Variants in AKAP13 observed in about 807,000 individuals in gnomAD.
AKAP13 encodes the protein A-kinase anchor protein 13.
AKAP13 carries 80 observed loss-of-function variants against 264.5 expected under a neutral mutation model. That is an observed-to-expected ratio of 0.30 (90% CI 0.25 to 0.36). The LOEUF is 0.36. Among genes scored for constraint, AKAP13 ranks in the 10% least tolerant of loss-of-function variants. The probability of loss-of-function intolerance (pLI) is 1.00; values close to 1 mark genes in which losing one functional copy is unlikely to be tolerated. For missense variants in AKAP13, 3,712 were observed against 3,435.2 expected, an observed-to-expected ratio of 1.08 and a Z score of -2.01; for synonymous variants, 1,380 against 1,250.2, an observed-to-expected ratio of 1.10 and a Z score of -2.19.
chr15:85,659,590 T>C (rs542686278), intron 12 of AKAP13, among the ~76,000 whole-genome samples: 16 of 150,086 alleles, frequency 1.1e-4, no homozygotes, highest in African/African-American at 2.0e-4. Context: ...ACTAAATAAG[T>C]TTTTCAGTAG....
At chr15:85,445,227 C>T (rs2150965811) in intron 1 of AKAP13, among the ~76,000 whole-genome samples, 1 of 152,224 alleles carries the variant, frequency 6.6e-6, no homozygotes. Flanking sequence ...AGTTTGTGGG[C>T]ATTGTTTTGA....
intron 2 of AKAP13, among the ~76,000 whole-genome samples, 195 bp downstream of exon 2, chr15:85,485,948 A>G (rs1490820255): frequency 3.3e-5 from 5 of 152,262 alleles, no homozygotes; most frequent in African/African-American, 1.2e-4. Flanking sequence ...CATGGAAATG[A>G]AAACAAATAA....
intron 11 of AKAP13, among the ~76,000 whole-genome samples, chr15:85,658,166 A>C (rs1567179124): frequency 6.6e-6 from 1 of 152,166 alleles, no homozygotes; most frequent in Non-Finnish European, 1.5e-5. Flanking sequence ...GTGAGGTTTT[A>C]ATTAGTTTGG....
chr15:85,553,890 T>A (rs1461116348), intron 5 of AKAP13, among the ~76,000 whole-genome samples: 1 of 152,164 alleles, frequency 6.6e-6, no homozygotes, highest in Non-Finnish European at 1.5e-5. Context: ...GCATGCTTCT[T>A]ATGAGAATCT....
At chr15:85,721,555 A>C (rs1027552158) in intron 23 of AKAP13, among the ~76,000 whole-genome samples, 1 of 152,222 alleles carries the variant, frequency 6.6e-6, no homozygotes, top group Non-Finnish European at 1.5e-5. Flanking sequence ...AGTAGTACAA[A>C]CAGATACCTA....
chr15:85,645,923 G>C lies in AKAP13; in HGVS notation c.4343G>C (p.Ser1448Thr). The C allele has an allele frequency of 6.2e-7, 1 of 1,613,880 alleles. No homozygotes were observed. Among genetic ancestry groups the C allele is most frequent in the East Asian group, 2.2e-5 (1 of 44,874 alleles). Residue 1448 changes from serine to threonine, a missense_variant, in exon 10 of 37, where the codon AGT becomes ACT. This residue lies in a region of AKAP13 where 2,759 missense variants were observed against 2,411.7 expected (regional missense o/e 1.14). Transcript: ENST00000394518. ...GSDSDLFHSPSDDMDSIIFPK... is the reference protein window; with the variant it reads ...GSDSDLFHSPTDDMDSIIFPK... ...GATTCTGACCTCTTTCACTCACCCA[G>C]TGATGACATGGACAGCATCATCTTC...
intron 2 of AKAP13, among the ~76,000 whole-genome samples, chr15:85,519,567 C>T (rs1008956234): frequency 6.6e-6 from 1 of 152,206 alleles, no homozygotes; most frequent in African/African-American, 2.4e-5. Flanking sequence ...GAAGATTACA[C>T]ATTTTACCAG....
At position 85,488,948 on chromosome 15, in the gene AKAP13, G is replaced by A. The variant is rs138440807; in HGVS notation, c.33+3195G>A. 9.2e-5 allele frequency among the ~76,000 whole-genome samples: 14 copies of A among 152,350 alleles called. No individual in the cohort carries two copies. The East Asian group carries it at 2.7e-3, about 29-fold the overall frequency. ...TAGAAAACTAATAGAGTAGTAGTTT[G>A]AGAAAATTAGTGATAAAGGATACTT... is the stretch of plus-strand genomic sequence containing the variant. On this transcript the variant is annotated intron_variant, in intron 2 of 36. Transcript: ENST00000394518.
At chr15:85,732,669 T>A (rs2088138372) in intron 30 of AKAP13, among the ~76,000 whole-genome samples, 1 of 150,426 alleles carries the variant, frequency 6.6e-6, no homozygotes, top group South Asian at 2.1e-4. Context: ...TAAGGATACA[T>A]CATAGAATTC....
intron 11 of AKAP13, among the ~76,000 whole-genome samples, chr15:85,656,640 G>C (rs971553233): frequency 6.6e-6 from 1 of 152,110 alleles, no homozygotes. Flanking sequence ...AGTAGAGACA[G>C]GGTTTCACTG....
At chr15:85,650,657 G>A (rs969144905) in intron 10 of AKAP13, among the ~76,000 whole-genome samples, 2 of 148,144 alleles carry the variant, frequency 1.4e-5, no homozygotes, top group African/African-American at 2.5e-5. Flanking sequence ...TCAGGAGGCT[G>A]AGGCAGGAGA....
intron 29 of AKAP13, among the ~76,000 whole-genome samples, chr15:85,729,583 GA>G (rs2087842001): frequency 6.6e-6 from 1 of 152,176 alleles, no homozygotes; most frequent in African/African-American, 2.4e-5. Flanking sequence ...TCAGCATATA[GA>G]AGGTCATTGA....
intron 2 of AKAP13, among the ~76,000 whole-genome samples, chr15:85,507,823 C>A (rs949018038): frequency 6.6e-6 from 1 of 152,222 alleles, no homozygotes; most frequent in Admixed American, 6.5e-5. Flanking sequence ...TCACCCTCCT[C>A]CACTCCCACA....
chr15:85,735,293 C>G (rs1194698630), intron 31 of AKAP13, 143 bp downstream of exon 31: 5 of 1,161,492 alleles, frequency 4.3e-6, no homozygotes, highest in Non-Finnish European at 6.0e-6. Context: ...AAGAGCTTGT[C>G]AGTCAGACTC....
chr15:85,682,730 C>T (rs936470667), intron 15 of AKAP13, among the ~76,000 whole-genome samples: 1 of 151,960 alleles, frequency 6.6e-6, no homozygotes, highest in African/African-American at 2.4e-5. Flanking sequence ...TGCAATGGCG[C>T]GATCTTGGCT....
At chr15:85,468,256 T>C (rs2074827729) in intron 1 of AKAP13, among the ~76,000 whole-genome samples, 1 of 152,212 alleles carries the variant, frequency 6.6e-6, no homozygotes, top group Non-Finnish European at 1.5e-5. Flanking sequence ...AGCCTGAGTA[T>C]ACTGTCTTAT....
intron 2 of AKAP13, among the ~76,000 whole-genome samples, chr15:85,491,199 C>T (rs988278695): frequency 1.1e-4 from 17 of 151,878 alleles, no homozygotes; most frequent in Admixed American, 3.3e-4. Flanking sequence ...TCTCCCTGGG[C>T]CTACCTTCCC....
chr15:85,683,621 C>A (rs1048659077), intron 15 of AKAP13: 2 of 152,166 alleles, frequency 1.3e-5, no homozygotes, highest in African/African-American at 2.4e-5. Flanking sequence ...AGGCGCGTGC[C>A]ACCACACCTG....
intron 1 of AKAP13, among the ~76,000 whole-genome samples, chr15:85,406,921 C>T (rs2150857373): frequency 1.3e-5 from 2 of 151,704 alleles, no homozygotes; most frequent in South Asian, 4.2e-4. Context: ...CCTGAAAGAA[C>T]CAAGGGAGAG....
Sources: allele counts gnomAD v4.1 joint callset (sites outside exome capture counted in the v4.1 genomes callset), GRCh38; gene constraint gnomAD v4.1.1; regional missense constraint gnomAD v4.1.1; transcripts MANE v1.5; gene names NCBI Gene and HGNC (gene_info 2026-07-23, HGNC 2026-07-21).